The following CCDC30 variants were observed in gnomAD, a reference collection of about 807,000 sequenced individuals.
The protein encoded by CCDC30 is coiled-coil domain-containing protein 30.
In CCDC30, 70 loss-of-function variants were observed where a neutral mutation model predicts 100.2. That is an observed-to-expected ratio of 0.70 (90% CI 0.58 to 0.85). The LOEUF (loss-of-function observed/expected upper bound fraction) is 0.85, where lower values mean the gene tolerates loss of function less well. Among genes scored for constraint, CCDC30 ranks in the 40% least tolerant of loss-of-function variants. The pLI, the probability that CCDC30 is intolerant of heterozygous loss-of-function variation, is 0.00. For missense variants in CCDC30, 652 were observed against 771.2 expected, an observed-to-expected ratio of 0.85 and a Z score of 1.83; for synonymous variants, 233 against 269.5, an observed-to-expected ratio of 0.86 and a Z score of 1.33.
chr1:42,505,281 A>G (rs945862249), intron 6 of CCDC30, among the ~76,000 whole-genome samples: 2 of 152,132 alleles, frequency 1.3e-5, no homozygotes, highest in African/African-American at 4.8e-5. Flanking sequence ...ATAATTGGCC[A>G]GAACTATCTG....
At chr1:42,459,568 T>G (rs780730136), upstream of CCDC30, 1 of 1,566,482 alleles carries the variant, frequency 6.4e-7, no homozygotes, top group South Asian at 1.1e-5. Context: ...TAATGACCAT[T>G]GTTTGCTTAT....
intron 15 of CCDC30, among the ~76,000 whole-genome samples, chr1:42,650,089 AAC>A (rs1648201310): frequency 6.6e-6 from 1 of 152,180 alleles, no homozygotes; most frequent in Non-Finnish European, 1.5e-5. Flanking sequence ...AAATAGAAAA[AAC>A]AGTCCTAAAA....
Position 42,498,798 on chromosome 1 carries a change from T to A in CCDC30, c.358-20T>A. The A allele has an allele frequency of 8.7e-7, 1 of 1,149,382 alleles. No homozygotes were observed. Among genetic ancestry groups the A allele is most frequent in the Non-Finnish European group, 1.1e-6 (1 of 910,636 alleles). 71.2% of individuals were successfully genotyped at this position (1,149,382 alleles called of 1,614,324 possible). A position where few individuals can be genotyped will look rare whatever the true frequency, so the allele number is the denominator to read the frequency against. ...AACAAAAATTGAGAAGTCTACAAGGTGTTTACTTTTGTATTTAAGGTTGAA... is the reference window on the plus strand; with the variant it reads ...AACAAAAATTGAGAAGTCTACAAGGAGTTTACTTTTGTATTTAAGGTTGAA... On this transcript the variant is annotated intron_variant, in intron 5 of 16. Coordinates refer to ENST00000668663, the Ensembl canonical transcript of CCDC30.
At chr1:42,546,397 A>ATAT (rs1645136525) in intron 6 of CCDC30, among the ~76,000 whole-genome samples, 3 of 4,292 alleles carry the variant, frequency 7.0e-4, no homozygotes, top group African/African-American at 1.4e-3. Context: ...AAAAAAAAAA[A>ATAT]AAATATATAT....
At chr1:42,633,650 C>CTG (rs1170626333) in intron 11 of CCDC30, among the ~76,000 whole-genome samples, 1 of 152,236 alleles carries the variant, frequency 6.6e-6, no homozygotes, top group East Asian at 1.9e-4. Context: ...TGTCTCATAT[C>CTG]TGTAATCTTA....
chr1:42,566,196 T>G, intron 6 of CCDC30, 100 bp from the exon 11 acceptor site: 1 of 867,134 alleles, frequency 1.2e-6, no homozygotes, highest in Non-Finnish European at 1.8e-6. Flanking sequence ...TACATGTGAA[T>G]AATCACATTC....
chr1:42,631,007 G>C (rs1440438062), intron 11 of CCDC30, among the ~76,000 whole-genome samples: 1 of 152,094 alleles, frequency 6.6e-6, no homozygotes, highest in South Asian at 2.1e-4. Flanking sequence ...TGTTTTCCTG[G>C]AAGGTCTTGG....
the CCDC30 span, chr1:42,457,157 C>T: frequency 2.5e-6 from 4 of 1,594,356 alleles, no homozygotes; most frequent in African/African-American, 2.7e-5. Context: ...TGCTTACCCA[C>T]GGATCTCAGC....
At chr1:42,457,495 G>T in the CCDC30 span, 1 of 682,728 alleles carries the variant, frequency 1.5e-6, no homozygotes, top group Non-Finnish European at 2.6e-6. Context: ...CCTCCCTCAT[G>T]GACCTCACAA....
chr1:42,589,871 G>A (rs971385767), intron 10 of CCDC30: 18 of 158,778 alleles, frequency 1.1e-4, no homozygotes, highest in African/African-American at 3.4e-4. Flanking sequence ...ACTGTTGGGG[G>A]GAAAGACAAA....
chr1:42,479,025 G>A lies in CCDC30; in HGVS notation c.-91-1436G>A, dbSNP rs11210650. Among the ~76,000 whole-genome samples, 247 of 152,294 alleles carry A rather than the reference G, an allele frequency of 1.6e-3. 1 individual carries two copies. Among genetic ancestry groups the A allele is most frequent in the African/African-American group, 5.8e-3 (242 of 41,564 alleles). On this transcript the variant is annotated intron_variant, in intron 1 of 16. Transcript: ENST00000668663. The stretch of plus-strand genomic sequence containing the variant: ...AAAAAAACTGAAAAAGAACAAAGTT[G>A]GAGCACTAACACTTCCTGATTTCAA...
chr1:42,651,275 CAATT>C lies in CCDC30; in HGVS notation c.1855-2098_1855-2095del, dbSNP rs538299237. ...AAAAGCTTCTGCACAGCAAAAGAAA[CAATT>C]AACAGAGTGAAGAGGCAACCTATGG... On this transcript the variant is annotated intron_variant, in intron 15 of 16. Transcript: ENST00000668663. Among the ~76,000 whole-genome samples the C allele has an allele frequency of 2.0e-3, 309 of 152,134 alleles. 1 individual carries two copies. Among genetic ancestry groups the C allele is most frequent in the Middle Eastern group, 0.01 (3 of 294 alleles).
rs757282876 is a variant in CCDC30, at chr1:42,539,341, A to G, written c.457-26955A>G. ...ACTGAGTTAGGTATTTAAATGTTCA[A>G]TATTTAATGTAGCTTTTATGAGGAT... On this transcript the variant is annotated intron_variant, in intron 6 of 16. Transcript: ENST00000668663. The G allele has an allele frequency of 3.2e-6, 5 of 1,557,258 alleles. No individual in the cohort carries two copies. The African/African-American group carries it at 4.1e-5, about 13-fold the overall frequency.
intron 6 of CCDC30, among the ~76,000 whole-genome samples, chr1:42,541,034 T>C (rs1477217953): frequency 1.3e-5 from 2 of 152,182 alleles, no homozygotes; most frequent in Non-Finnish European, 2.9e-5. Context: ...TTTCGAAGAG[T>C]ACTGTCTCAG....
chr1:42,628,504 G>C (rs1163560104), intron 11 of CCDC30, among the ~76,000 whole-genome samples: 1 of 152,138 alleles, frequency 6.6e-6, no homozygotes, highest in Non-Finnish European at 1.5e-5. Context: ...GTTTGGCTTT[G>C]TCCCCACCCA....
At chr1:42,602,139 A>T (rs1646415743) in intron 10 of CCDC30, among the ~76,000 whole-genome samples, 1 of 152,182 alleles carries the variant, frequency 6.6e-6, no homozygotes, top group Admixed American at 6.5e-5. Flanking sequence ...GAGGAAAAAA[A>T]TATCTAAAAT....
intron 6 of CCDC30, among the ~76,000 whole-genome samples, chr1:42,500,982 T>C (rs1644304496): frequency 6.6e-6 from 1 of 152,166 alleles, no homozygotes. Context: ...TCTTTCATTT[T>C]CTTAATAGTG....
At chr1:42,614,225 C>A (rs1277672974) in intron 11 of CCDC30, among the ~76,000 whole-genome samples, 13 of 150,848 alleles carry the variant, frequency 8.6e-5, no homozygotes, top group Non-Finnish European at 1.5e-5. Flanking sequence ...GGACTACAGG[C>A]GCCCGCCACT....
At chr1:42,588,212 T>C (rs1484016590) in intron 9 of CCDC30, among the ~76,000 whole-genome samples, 1 of 152,186 alleles carries the variant, frequency 6.6e-6, no homozygotes, top group East Asian at 1.9e-4. Flanking sequence ...TTTCTACATT[T>C]GTTTAAAAAA....
Sources: gnomAD v4.1 joint callset for allele counts (sites outside exome capture counted in the v4.1 genomes callset) on GRCh38, gnomAD v4.1.1 for gene constraint, MANE v1.5 for transcripts, NCBI Gene and HGNC (gene_info 2026-07-23, HGNC 2026-07-21) for gene names.